The following KIFC3 variants were observed in gnomAD, a reference collection of about 807,000 sequenced individuals.
The protein encoded by KIFC3 is kinesin family member C3.
A neutral mutation model predicts 101.8 loss-of-function variants in KIFC3; 60 were observed. The observed-to-expected ratio is 0.59, with a 90% confidence interval of 0.48 to 0.73. The LOEUF (loss-of-function observed/expected upper bound fraction) is 0.73, where lower values mean the gene tolerates loss of function less well. Ranked by LOEUF, KIFC3 falls within the 30% of genes least tolerant of loss-of-function variation. The pLI, the probability that KIFC3 is intolerant of heterozygous loss-of-function variation, is 0.00. For missense variants in KIFC3, 966 were observed against 1,137.1 expected (o/e 0.85, Z 2.16); for synonymous variants, 476 against 482.7 (o/e 0.99, Z 0.18).
intron 13 of KIFC3, 82 bp downstream of exon 13, chr16:57,762,058 C>T: frequency 6.8e-7 from 1 of 1,478,862 alleles, no homozygotes; most frequent in African/African-American, 1.4e-5. Context: ...GGGGGTCCCA[C>T]CTGAGGACCT....
In KIFC3 at chr16:57,802,117, G is replaced by A. The variant is rs1334348038; in HGVS notation, c.-40+253C>T. Among the ~76,000 whole-genome samples the A allele has an allele frequency of 6.6e-6, 1 of 152,230 alleles. No individual in the cohort carries two copies. Among genetic ancestry groups the A allele is most frequent in the Admixed American group, 6.5e-5 (1 of 15,290 alleles). Reference sequence around the variant, plus strand: ...TTCAATAAAATCCAAACGGGGTCCCGAGGCTGCTCGGATCCCGTGGGACAC... The same window carrying A: ...TTCAATAAAATCCAAACGGGGTCCCAAGGCTGCTCGGATCCCGTGGGACAC... On this transcript the variant is annotated intron_variant, in intron 1 of 19. Coordinates refer to ENST00000445690, the MANE Select transcript of KIFC3 (RefSeq NM_001130100.2). The surrounding 1 kb of genome is among the most constrained non-coding windows in gnomAD (Gnocchi z 5.0).
chr16:57,855,767 A>C (rs1044013905), intron 1 of KIFC3, among the ~76,000 whole-genome samples: 3 of 151,822 alleles, frequency 2.0e-5, no homozygotes, highest in Admixed American at 1.3e-4. Context: ...CCAACATGGC[A>C]AAACCATGTC....
chr16:57,806,865 A>G (rs774472617), upstream of KIFC3, among the ~76,000 whole-genome samples: 1 of 152,172 alleles, frequency 6.6e-6, no homozygotes, highest in Non-Finnish European at 1.5e-5. Flanking sequence ...GCTTTTTTGA[A>G]TCCACATCTT....
At position 57,775,705 on chromosome 16, in the gene KIFC3, C is replaced by T. The variant is rs1490253184; in HGVS notation, c.316-3417G>A. On this transcript the variant is annotated intron_variant, in intron 3 of 19. Transcript: ENST00000445690. ...AGGGTCCCGAGTGCCACCCTGGGCC[C>T]GATACATACTTGTGGCCACAAAGGG... is the stretch of plus-strand genomic sequence containing the variant. The T allele has an allele frequency of 1.0e-5, 10 of 985,342 alleles. No homozygotes were observed. The South Asian group carries it at 1.9e-4, about 19-fold the overall frequency. 61.0% of individuals were successfully genotyped at this position (985,342 alleles called of 1,614,324 possible). A position where few individuals can be genotyped will look rare whatever the true frequency, so the allele number is the denominator to read the frequency against.
At chr16:57,831,371 G>C (rs780566351) in intron 1 of KIFC3, among the ~76,000 whole-genome samples, 1 of 152,206 alleles carries the variant, frequency 6.6e-6, no homozygotes, top group Admixed American at 6.5e-5. Flanking sequence ...CTGTGCACAT[G>C]AATCAGCTGG....
intron 1 of KIFC3, among the ~76,000 whole-genome samples, chr16:57,857,999 G>A (rs542152762): frequency 1.1e-4 from 17 of 151,840 alleles, no homozygotes; most frequent in African/African-American, 4.1e-4. Context: ...TGTATTTTTA[G>A]TAGAGATGGA....
At chr16:57,813,719 C>T in intron 1 of KIFC3, 1 of 983,632 alleles carries the variant, frequency 1.0e-6, no homozygotes, top group Non-Finnish European at 1.2e-6. Flanking sequence ...CCGGGCACCA[C>T]TCATGCAGGT....
chr16:57,821,873 A>C (rs2055358736), intron 1 of KIFC3, among the ~76,000 whole-genome samples: 1 of 152,140 alleles, frequency 6.6e-6, no homozygotes, highest in Admixed American at 6.6e-5. Flanking sequence ...TGTTCCCACC[A>C]CTGCACTCCA....
intron 1 of KIFC3, chr16:57,813,784 G>A (rs1555628227): frequency 8.1e-6 from 8 of 985,198 alleles, no homozygotes; most frequent in East Asian, 1.1e-4. Flanking sequence ...GAAGAGAACC[G>A]GGGACTCGGG....
intron 1 of KIFC3, among the ~76,000 whole-genome samples, chr16:57,857,390 CCTTT>C (rs199906762): frequency 0.039 from 4,016 of 102,754 alleles, 69 homozygotes; most frequent in East Asian, 0.13. Context: ...CCCCCTAAAA[CCTTT>C]CTTTTTTTTT....
chr16:57,789,839 C>A (rs1014524914), intron 3 of KIFC3, among the ~76,000 whole-genome samples: 1 of 151,956 alleles, frequency 6.6e-6, no homozygotes. Context: ...CAGGTTCAAG[C>A]GATTCTCCTG....
At chr16:57,810,793 T>C in intron 1 of KIFC3, 1 of 609,636 alleles carries the variant, frequency 1.6e-6, no homozygotes, top group Non-Finnish European at 2.1e-6. Flanking sequence ...TGGTAGGTGT[T>C]ATTATTCCCA....
intron 1 of KIFC3, among the ~76,000 whole-genome samples, chr16:57,823,873 C>T (rs376572491): frequency 1.3e-5 from 2 of 151,870 alleles, no homozygotes; most frequent in Non-Finnish European, 2.9e-5. Flanking sequence ...ATGATCTGCC[C>T]GCCTGGGCCT....
chr16:57,862,292 G>A (rs1335767077), intron 1 of KIFC3, among the ~76,000 whole-genome samples: 1 of 151,324 alleles, frequency 6.6e-6, no homozygotes, highest in African/African-American at 2.4e-5. Flanking sequence ...TCAAAGTGCT[G>A]GGATTATAGG....
At chr16:57,765,159 GCC>G (rs1555601536) in intron 11 of KIFC3, among the ~76,000 whole-genome samples, 1 of 149,132 alleles carries the variant, frequency 6.7e-6, no homozygotes, top group African/African-American at 2.4e-5. Flanking sequence ...AGTGGGAAGG[GCC>G]TCAAGGGTGG....
At chr16:57,790,591 C>CG (rs1384406300) in intron 3 of KIFC3, among the ~76,000 whole-genome samples, 1 of 152,082 alleles carries the variant, frequency 6.6e-6, no homozygotes, top group African/African-American at 2.4e-5. Flanking sequence ...GTGTGACGGT[C>CG]GGCAAGTTGC....
upstream of KIFC3, chr16:57,803,398 G>A (rs931659515): frequency 5.6e-6 from 3 of 537,048 alleles, no homozygotes; most frequent in South Asian, 1.5e-5. Context: ...CCCCGGGTGC[G>A]GAAGAGGAGA....
intron 3 of KIFC3, among the ~76,000 whole-genome samples, chr16:57,777,635 C>T (rs566196482): frequency 2.6e-5 from 4 of 152,088 alleles, no homozygotes; most frequent in South Asian, 4.1e-4. Context: ...GCAGGAGAAT[C>T]GCTTGAACCC....
At chr16:57,764,275 T>TTGGGGGGG in intron 11 of KIFC3, 28 bp from the exon 12 acceptor site, 2 of 539,928 alleles carry the variant, frequency 3.7e-6, no homozygotes, top group Non-Finnish European at 7.1e-6. Flanking sequence ...GGGAGGCTGG[T>TTGGGGGGG]GGGGGGGCTT....
Sources: gnomAD v4.1 joint callset for allele counts (sites outside exome capture counted in the v4.1 genomes callset) on GRCh38, gnomAD v4.1.1 for gene constraint, Gnocchi (gnomAD v3.1) non-coding constraint, MANE v1.5 for transcripts, NCBI Gene and HGNC (gene_info 2026-07-23, HGNC 2026-07-21) for gene names.